Variants in ICA1 observed in about 807,000 individuals in gnomAD.
ICA1 encodes the protein 69 kDa islet cell autoantigen.
A neutral mutation model predicts 71.0 loss-of-function variants in ICA1; 40 were observed. The observed-to-expected ratio is 0.56, with a 90% CI of 0.44 to 0.73. The LOEUF is 0.73. ICA1 is among the 30% of genes least tolerant of loss of function. The pLI is 0.00. For synonymous variants in ICA1, 207 were observed against 209.5 expected, an observed-to-expected ratio of 0.99 and a Z score of 0.10; for missense variants, 578 against 576.5, an observed-to-expected ratio of 1.00 and a Z score of -0.03.
At chr7:8,119,350 A>G (rs1383621713) in intron 13 of ICA1, among the ~76,000 whole-genome samples, 2 of 152,206 alleles carry the variant, frequency 1.3e-5, no homozygotes, top group East Asian at 3.8e-4. Context: ...AAAAACATGC[A>G]CGACACTCAG....
intron 6 of ICA1, among the ~76,000 whole-genome samples, chr7:8,185,792 A>C (rs1783710432): frequency 6.6e-6 from 1 of 152,244 alleles, no homozygotes. Flanking sequence ...GTTAGGATTA[A>C]ATGAGATAAT....
chr7:8,161,263 G>T (rs960006224), intron 6 of ICA1, among the ~76,000 whole-genome samples: 1 of 152,100 alleles, frequency 6.6e-6, no homozygotes, highest in South Asian at 2.1e-4. Context: ...CTCTTAAGGA[G>T]GACAGACAAG....
Position 8,228,693 on chromosome 7 carries a change from A to T in ICA1, c.184-20T>A. 1 of 1,532,748 alleles carries T rather than the reference A, an allele frequency of 6.5e-7. No individual in the cohort carries two copies. Among genetic ancestry groups the T allele is most frequent in the Non-Finnish European group, 9.0e-7 (1 of 1,116,682 alleles). The allele number at this position is 1,532,748 out of a possible 1,614,324, so 94.9% of individuals were successfully genotyped here. On this transcript the variant is annotated intron_variant, in intron 3 of 13. Coordinates refer to ENST00000402384, the MANE Select transcript of ICA1 (RefSeq NM_001136020.3). ...AAACAGCTGTAATAAAAATACAAAC[A>T]AAATGCAAAATAAAACAGACAGTGG...
At chr7:8,154,532 C>T (rs1800831540) in intron 8 of ICA1, among the ~76,000 whole-genome samples, 1 of 152,182 alleles carries the variant, frequency 6.6e-6, no homozygotes, top group Admixed American at 6.5e-5. Flanking sequence ...GCAACCCTCT[C>T]TAAAGACAAT....
intron 6 of ICA1, among the ~76,000 whole-genome samples, chr7:8,192,425 C>A (rs1786000575): frequency 6.6e-6 from 1 of 152,184 alleles, no homozygotes; most frequent in East Asian, 1.9e-4. Flanking sequence ...TTCCTCAGTG[C>A]ATGGTATCAT....
chr7:8,129,271 G>GT lies in ICA1; in HGVS notation c.1061-1130dup, dbSNP rs955447933. ...AGAGAAGAAAAAAATCATGATTTAT[G>GT]TTTTTTTTCTGAGACATGCTGCAAT... On this transcript the variant is annotated intron_variant, in intron 12 of 13. Coordinates refer to ENST00000402384, the MANE Select transcript of ICA1 (RefSeq NM_001136020.3). Among the ~76,000 whole-genome samples, 293 of 151,268 alleles carry GT rather than the reference G, an allele frequency of 1.9e-3. 1 individual carries two copies. The highest frequency in any genetic ancestry group is 6.4e-3 in the African/African-American group (265 of 41,196).
At chr7:8,169,525 G>C (rs1807473899) in intron 6 of ICA1, among the ~76,000 whole-genome samples, 1 of 151,868 alleles carries the variant, frequency 6.6e-6, no homozygotes, top group African/African-American at 2.4e-5. Flanking sequence ...ATTAACATTT[G>C]GCATTTTCGG....
At chr7:8,129,224 C>T (rs765869064) in intron 12 of ICA1, among the ~76,000 whole-genome samples, 7 of 151,984 alleles carry the variant, frequency 4.6e-5, no homozygotes, top group Non-Finnish European at 5.9e-5. Flanking sequence ...AAACTATAAA[C>T]ATTTTTGTTG....
At chr7:8,121,007 C>T (rs1043297280) in intron 13 of ICA1, among the ~76,000 whole-genome samples, 1 of 152,232 alleles carries the variant, frequency 6.6e-6, no homozygotes, top group East Asian at 1.9e-4. Flanking sequence ...AGTTCCCCCT[C>T]AGGCCTAGTT....
intron 8 of ICA1, among the ~76,000 whole-genome samples, chr7:8,153,098 C>G (rs945889333): frequency 6.6e-6 from 1 of 152,216 alleles, no homozygotes; most frequent in Non-Finnish European, 1.5e-5. Context: ...CCACTCACGC[C>G]TCTCTCACTA....
At chr7:8,151,523 A>C (rs1204506249) in intron 8 of ICA1, among the ~76,000 whole-genome samples, 1 of 152,240 alleles carries the variant, frequency 6.6e-6, no homozygotes, top group African/African-American at 2.4e-5. Context: ...AATGACAATG[A>C]GAGAAAACTT....
chr7:8,258,906 T>G (rs926522338), intron 1 of ICA1, among the ~76,000 whole-genome samples: 3 of 152,170 alleles, frequency 2.0e-5, no homozygotes, highest in Non-Finnish European at 4.4e-5. Flanking sequence ...CAGATGGAGA[T>G]TATAATATCT....
At chr7:8,126,349 T>G (rs748247236) in intron 13 of ICA1, among the ~76,000 whole-genome samples, 1 of 152,104 alleles carries the variant, frequency 6.6e-6, no homozygotes, top group Non-Finnish European at 1.5e-5. Context: ...GAAACTCTAG[T>G]CAGTTGGCAG....
In ICA1 at chr7:8,146,809, G is replaced by C. The variant is rs1008321924; in HGVS notation, c.805-2837C>G. Among the ~76,000 whole-genome samples the C allele has an allele frequency of 3.4e-5, 5 of 145,190 alleles. No homozygotes were observed. The South Asian group carries it at 6.9e-4, about 20-fold the overall frequency. ...GAGGAAGGAGTTCAATAGATGTCAA[G>C]GATGTACTCTTTTCAATCCATCTGC... On this transcript the variant is annotated intron_variant, in intron 8 of 13. Transcript: ENST00000402384.
chr7:8,135,409 G>A (rs1562589735), intron 12 of ICA1, among the ~76,000 whole-genome samples: 3 of 151,682 alleles, frequency 2.0e-5, no homozygotes, highest in Non-Finnish European at 4.4e-5. Context: ...AACAGTATTT[G>A]GTTAAAAAAA....
intron 6 of ICA1, among the ~76,000 whole-genome samples, chr7:8,174,749 G>C (rs2058516): frequency 0.99 from 134,847 of 136,572 alleles, 66,573 homozygotes; most frequent in East Asian, 1. Flanking sequence ...CAGCCAGACT[G>C]TATCTCAAAA....
intron 6 of ICA1, among the ~76,000 whole-genome samples, chr7:8,214,569 T>C (rs1383747229): frequency 6.6e-6 from 1 of 152,174 alleles, no homozygotes; most frequent in African/African-American, 2.4e-5. Flanking sequence ...CATGGTCATA[T>C]TGACAAGGAG....
intron 10 of ICA1, among the ~76,000 whole-genome samples, chr7:8,139,581 T>C (rs1794531727): frequency 6.6e-6 from 1 of 152,134 alleles, no homozygotes; most frequent in African/African-American, 2.4e-5. Flanking sequence ...TTTTGTAAGG[T>C]CCTATAATGG....
rs539137098 is a variant in ICA1 at position 8,203,277 on chromosome 7, G to T, written c.579+15028C>A. On this transcript the variant is annotated intron_variant, in intron 6 of 13. Coordinates refer to ENST00000402384, the MANE Select transcript of ICA1 (RefSeq NM_001136020.3). ...GCACATTAAGCCTTAATATAGTAGA[G>T]TTCCTGGGAAATCCAGTGGTTTAAG... Among the ~76,000 whole-genome samples the T allele has an allele frequency of 3.9e-5, 6 of 152,140 alleles. 1 individual carries two copies. Among genetic ancestry groups the T allele is most frequent in the Non-Finnish European group, 8.8e-5 (6 of 68,024 alleles).
Sources: allele counts gnomAD v4.1 joint callset (sites outside exome capture counted in the v4.1 genomes callset), GRCh38; gene constraint gnomAD v4.1.1; transcripts MANE v1.5; gene names NCBI Gene and HGNC (gene_info 2026-07-23, HGNC 2026-07-21).